The following TTBK2 variants were observed in gnomAD, a reference collection of about 807,000 sequenced individuals.
TTBK2 encodes the protein tau tubulin kinase 2.
A neutral mutation model predicts 110.8 loss-of-function variants in TTBK2; 28 were observed. The ratio of observed to expected loss-of-function variants is 0.25; its 90% CI spans 0.19 to 0.35. The LOEUF (loss-of-function observed/expected upper bound fraction) is 0.35, where lower values mean the gene tolerates loss of function less well. Ranked by LOEUF, TTBK2 falls within the 10% of genes least tolerant of loss-of-function variation. The pLI is 1.00. For synonymous variants in TTBK2, 532 were observed against 527.3 expected, an observed-to-expected ratio of 1.01 and a Z score of -0.12; for missense variants, 1,369 against 1,500.3, an observed-to-expected ratio of 0.91 and a Z score of 1.45.
At chr15:42,899,951 ACT>A (rs1301033536) in intron 1 of TTBK2, among the ~76,000 whole-genome samples, 2 of 151,236 alleles carry the variant, frequency 1.3e-5, no homozygotes, top group East Asian at 3.9e-4. Flanking sequence ...ACAGAGCAAG[ACT>A]CTGTCTCAAA....
intron 6 of TTBK2, among the ~76,000 whole-genome samples, chr15:42,817,346 C>T (rs1336212751): frequency 6.6e-6 from 1 of 151,492 alleles, no homozygotes; most frequent in Non-Finnish European, 1.5e-5. Context: ...TTTTAAAATA[C>T]AGAGGCATTT....
intron 1 of TTBK2, among the ~76,000 whole-genome samples, chr15:42,881,465 A>T (rs1013109173): frequency 6.6e-6 from 1 of 152,094 alleles, no homozygotes; most frequent in Non-Finnish European, 1.5e-5. Context: ...AAATGCCAAG[A>T]TGACACAGAT....
chr15:42,880,066 G>A (rs1481904337), intron 1 of TTBK2, among the ~76,000 whole-genome samples: 2 of 151,484 alleles, frequency 1.3e-5, no homozygotes, highest in Admixed American at 1.3e-4. Flanking sequence ...CCAGACTTCT[G>A]TGAATGCATC....
In TTBK2 at chr15:42,802,409, T is replaced by G. The variant is rs1323181995; in HGVS notation, c.823-7608A>C. On this transcript the variant is annotated intron_variant, in intron 9 of 14. Transcript: ENST00000267890. ...TTCCGGGTCACCCTGATGGACATGG[T>G]GGAGGCAGGCGGGCCGAACCAGACG... 3 of 744,418 alleles carry G rather than the reference T, an allele frequency of 4.0e-6. No homozygotes were observed. In the Admixed American group the frequency reaches 5.2e-5, roughly 13 times the overall value. 46.1% of individuals were successfully genotyped at this position (744,418 alleles called of 1,614,324 possible).
At chr15:42,846,144 T>C (rs916873021) in intron 3 of TTBK2, among the ~76,000 whole-genome samples, 1 of 151,766 alleles carries the variant, frequency 6.6e-6, no homozygotes, top group African/African-American at 2.4e-5. Context: ...AAAAAGTCTA[T>C]ACATATTTAG....
chr15:42,786,835 C>T (rs1890432550), intron 10 of TTBK2, among the ~76,000 whole-genome samples: 1 of 149,802 alleles, frequency 6.7e-6, no homozygotes, highest in South Asian at 2.2e-4. Context: ...AAACTCTGAT[C>T]CAAATCTTGA....
At chr15:42,871,454 T>A (rs545291075) in intron 3 of TTBK2, 386 of 985,266 alleles carry the variant, frequency 3.9e-4, no homozygotes, top group Admixed American at 4.3e-4. Context: ...CCTGGAAGCA[T>A]CTCCTTGGAG....
intron 1 of TTBK2, among the ~76,000 whole-genome samples, chr15:42,901,100 C>G (rs1287955069): frequency 6.6e-6 from 1 of 152,164 alleles, no homozygotes; most frequent in African/African-American, 2.4e-5. Context: ...GTGGCTCACA[C>G]CTGTGATCCC....
chr15:42,835,667 T>G (rs77060595), intron 4 of TTBK2, among the ~76,000 whole-genome samples: 1,725 of 152,210 alleles, frequency 0.011, 27 homozygotes, highest in African/African-American at 0.039. Flanking sequence ...GGACGATCAT[T>G]GAAACTGAAG....
chr15:42,892,697 CCT>C (rs1351864346), intron 1 of TTBK2, among the ~76,000 whole-genome samples: 1 of 122,298 alleles, frequency 8.2e-6, no homozygotes, highest in African/African-American at 3.2e-5. Context: ...AGAGCAAGAC[CCT>C]GTCTCAAAAA....
chr15:42,826,707 C>A (rs1410502314), intron 6 of TTBK2, among the ~76,000 whole-genome samples: 1 of 152,180 alleles, frequency 6.6e-6, no homozygotes, highest in Non-Finnish European at 1.5e-5. Flanking sequence ...CATGTGACAG[C>A]CCCGGAGTCA....
rs183146681 is a variant in TTBK2 at position 42,872,684 on chromosome 15, T to C, written c.144A>G (p.Ala48=). ...GTTGTTGAGCTGATTCCACCTTCAG[T>C]GCAACATTTTCCCTGGTGAGCATGT... ...ALDMLTRENV[A]LKVESAQQPK... The change falls in exon 3 of 15, where the codon GCA becomes GCG. Residue 48 remains alanine, a synonymous_variant. Transcript: ENST00000267890. 7 of 1,614,182 alleles carry C rather than the reference T, an allele frequency of 4.3e-6. No individual in the cohort carries two copies. The highest frequency in any genetic ancestry group is 2.2e-5 in the East Asian group (1 of 44,872).
At position 42,831,022 on chromosome 15, in the gene TTBK2, ATGTG is replaced by A. The variant is rs67420749; in HGVS notation, c.292-948_292-945del. Among the ~76,000 whole-genome samples, 175 of 145,482 alleles carry A rather than the reference ATGTG, an allele frequency of 1.2e-3. 1 individual carries two copies. Among genetic ancestry groups the A allele is most frequent in the South Asian group, 5.7e-3 (26 of 4,542 alleles). The stretch of plus-strand genomic sequence containing the variant: ...TCCATCTCAAAAAAAAAATGTATAT[ATGTG>A]TGTGTGTGTGTGTGTGTGTGTGTGT... On this transcript the variant is annotated intron_variant, in intron 4 of 14. Coordinates refer to ENST00000267890, the MANE Select transcript of TTBK2 (RefSeq NM_173500.4).
At chr15:42,764,836 T>C (rs543365823) in intron 13 of TTBK2, among the ~76,000 whole-genome samples, 5 of 152,348 alleles carry the variant, frequency 3.3e-5, no homozygotes, top group South Asian at 4.1e-4. Context: ...TGTAGCCTAA[T>C]TGGGAGACAC....
At chr15:42,907,282 A>AAACTAAAAT (rs1442400018) in intron 1 of TTBK2, among the ~76,000 whole-genome samples, 5 of 152,204 alleles carry the variant, frequency 3.3e-5, no homozygotes, top group Non-Finnish European at 5.9e-5. Context: ...TTCCTCAAAA[A>AAACTAAAAT]AACTAAAAAT....
chr15:42,788,937 G>A (rs1890524279), intron 10 of TTBK2, among the ~76,000 whole-genome samples: 1 of 152,120 alleles, frequency 6.6e-6, no homozygotes, highest in Non-Finnish European at 1.5e-5. Flanking sequence ...GTAACATGAT[G>A]TAATAGGATA....
chr15:42,879,118 A>T (rs1042629286), intron 1 of TTBK2, among the ~76,000 whole-genome samples: 4 of 152,224 alleles, frequency 2.6e-5, no homozygotes, highest in African/African-American at 9.6e-5. Context: ...AATGCACAGG[A>T]AATAAATACT....
At chr15:42,841,244 C>T (rs144679664) in intron 3 of TTBK2, among the ~76,000 whole-genome samples, 10,157 of 152,082 alleles carry the variant, frequency 0.067, 923 homozygotes, top group African/African-American at 0.2. Flanking sequence ...TCTCACTTTG[C>T]TGCCCAGGCT....
At chr15:42,844,068 A>C (rs75768919) in intron 3 of TTBK2, among the ~76,000 whole-genome samples, 6,372 of 152,146 alleles carry the variant, frequency 0.042, 180 homozygotes, top group Middle Eastern at 0.1. Flanking sequence ...ATCATCCTCA[A>C]TGAGCCACAC....
Sources: gnomAD v4.1 joint callset for allele counts (sites outside exome capture counted in the v4.1 genomes callset) on GRCh38, gnomAD v4.1.1 for gene constraint, MANE v1.5 for transcripts, NCBI Gene and HGNC (gene_info 2026-07-23, HGNC 2026-07-21) for gene names.